Variants in CNTNAP2 observed in about 807,000 individuals in gnomAD.
CNTNAP2 encodes contactin-associated protein-like 2.
In CNTNAP2, 98 loss-of-function variants were observed where a neutral mutation model predicts 155.2. The ratio of observed to expected loss-of-function variants is 0.63; its 90% CI spans 0.54 to 0.75. The LOEUF (loss-of-function observed/expected upper bound fraction) is 0.75. Ranked by LOEUF, CNTNAP2 falls within the 30% of genes least tolerant of loss-of-function variation. CNTNAP2 has a pLI of 0.00. For missense variants in CNTNAP2, 1,727 were observed against 1,688.1 expected (o/e 1.02, Z -0.40); for synonymous variants, 651 against 631.2 (o/e 1.03, Z -0.47).
At chr7:146,159,376 A>G (rs1245546283) in intron 1 of CNTNAP2, among the ~76,000 whole-genome samples, 1 of 152,236 alleles carries the variant, frequency 6.6e-6, no homozygotes, top group Non-Finnish European at 1.5e-5. Flanking sequence ...ACAGAATCAA[A>G]TTCACACATA....
intron 3 of CNTNAP2, among the ~76,000 whole-genome samples, chr7:146,879,798 C>T (rs951966634): frequency 6.6e-6 from 1 of 152,010 alleles, no homozygotes; most frequent in Non-Finnish European, 1.5e-5. Flanking sequence ...TTGTATTAGT[C>T]TGTTTTCACA....
intron 1 of CNTNAP2, among the ~76,000 whole-genome samples, chr7:146,306,898 G>A (rs1017230524): frequency 6.6e-6 from 1 of 152,128 alleles, no homozygotes; most frequent in Non-Finnish European, 1.5e-5. Flanking sequence ...AAAACTGGAA[G>A]CATTCCCTTT....
chr7:146,187,877 G>GT (rs1490404951), intron 1 of CNTNAP2, among the ~76,000 whole-genome samples: 1 of 152,086 alleles, frequency 6.6e-6, no homozygotes, highest in Non-Finnish European at 1.5e-5. Flanking sequence ...ATGTGAGGTA[G>GT]TTTTTCCACA....
intron 1 of CNTNAP2, among the ~76,000 whole-genome samples, chr7:146,138,044 C>T (rs2116750948): frequency 6.6e-6 from 1 of 151,982 alleles, no homozygotes; most frequent in South Asian, 2.1e-4. Context: ...AAACTACATT[C>T]CTTGCACATC....
chr7:148,299,373 G>A (rs1797341944), intron 21 of CNTNAP2, among the ~76,000 whole-genome samples: 1 of 152,246 alleles, frequency 6.6e-6, no homozygotes, highest in Admixed American at 6.5e-5. Flanking sequence ...GGGAAAAGGT[G>A]TGTTGCATCA....
intron 9 of CNTNAP2, among the ~76,000 whole-genome samples, chr7:147,337,207 G>A (rs1795678762): frequency 6.6e-6 from 1 of 152,094 alleles, no homozygotes; most frequent in Non-Finnish European, 1.5e-5. Context: ...GGGAAGGTTA[G>A]GATGTATGGT....
At position 146,679,284 on chromosome 7, in the gene CNTNAP2, A is replaced by T. The variant is rs190700633; in HGVS notation, c.98-94987A>T. Among the ~76,000 whole-genome samples, 733 of 148,160 alleles carry T rather than the reference A, an allele frequency of 4.9e-3. 4 individuals carry two copies. The highest frequency in any genetic ancestry group is 9.4e-3 in the Non-Finnish European group (631 of 67,240). ...GTGTTTGGTTTTCTGTTCTTGTATT[A>T]GTTTGCTAAGGATTATGGCCTCTAG... On this transcript the variant is annotated intron_variant, in intron 1 of 23. Coordinates refer to ENST00000361727, the MANE Select transcript of CNTNAP2 (RefSeq NM_014141.6).
At chr7:148,226,268 G>A (rs1795846400) in intron 19 of CNTNAP2, among the ~76,000 whole-genome samples, 1 of 152,030 alleles carries the variant, frequency 6.6e-6, no homozygotes, top group Non-Finnish European at 1.5e-5. Context: ...TATGAATGTG[G>A]TGTCTGATGG....
At position 147,878,267 on chromosome 7, in the gene CNTNAP2, A is replaced by AATG. The variant is rs10628344; in HGVS notation, c.2099-25283_2099-25281dup. ...CTGAACACCTAGTAATTGTTCAGTA[A>AATG]ATGATGATGATGATGATAGTGATGA... On this transcript the variant is annotated intron_variant, in intron 13 of 23. Coordinates refer to ENST00000361727, the MANE Select transcript of CNTNAP2 (RefSeq NM_014141.6). Among the ~76,000 whole-genome samples the AATG allele has an allele frequency of 7.3e-3, 1,108 of 151,922 alleles. 16 individuals carry two copies. The highest frequency in any genetic ancestry group is 0.025 in the African/African-American group (1,051 of 41,426).
intron 4 of CNTNAP2, among the ~76,000 whole-genome samples, chr7:147,075,068 T>C (rs1799969517): frequency 1.3e-5 from 2 of 152,306 alleles, no homozygotes; most frequent in South Asian, 4.1e-4. Context: ...TCTCTGATTG[T>C]TGAATATAGG....
chr7:146,819,369 A>G (rs1316862184), intron 2 of CNTNAP2, among the ~76,000 whole-genome samples: 1 of 152,056 alleles, frequency 6.6e-6, no homozygotes, highest in African/African-American at 2.4e-5. Flanking sequence ...GTGTGTTGCC[A>G]CATTATCTCA....
intron 1 of CNTNAP2, among the ~76,000 whole-genome samples, chr7:146,213,475 A>T (rs764161118): frequency 1.4e-4 from 21 of 152,234 alleles, no homozygotes; most frequent in Non-Finnish European, 2.2e-4. Flanking sequence ...CTGAAAATCA[A>T]TCAAATGTCA....
chr7:148,260,153 C>T (rs942103965), intron 20 of CNTNAP2, among the ~76,000 whole-genome samples: 7 of 152,148 alleles, frequency 4.6e-5, no homozygotes, highest in African/African-American at 1.7e-4. Flanking sequence ...TTAGGCTTTT[C>T]ATGTTAAGCT....
intron 8 of CNTNAP2, among the ~76,000 whole-genome samples, chr7:147,290,595 A>G (rs1805282943): frequency 6.8e-6 from 1 of 147,118 alleles, no homozygotes; most frequent in Non-Finnish European, 1.5e-5. Flanking sequence ...AGGCAGGAGA[A>G]TTGCTTGAAC....
Position 148,330,597 on chromosome 7 carries a change from T to C in CNTNAP2, c.3476-53052T>C, listed in dbSNP as rs200768232. Among the ~76,000 whole-genome samples the C allele has an allele frequency of 1.5e-4, 19 of 128,826 alleles. No homozygotes were observed. In the East Asian group the frequency reaches 2.3e-3, roughly 16 times the overall value. 84.5% of individuals were successfully genotyped at this position (128,826 alleles called of 152,430 possible). On this transcript the variant is annotated intron_variant, in intron 21 of 23. Transcript: ENST00000361727. ...GGAGTGGATGGATGGAGTGGACGGA[T>C]GAAGTGGACGGATGGAATGGACACA...
chr7:147,378,826 A>G (rs564258198), intron 9 of CNTNAP2, among the ~76,000 whole-genome samples: 1 of 152,182 alleles, frequency 6.6e-6, no homozygotes, highest in African/African-American at 2.4e-5. Context: ...GTATCCATTT[A>G]TTTCCTTATC....
intron 1 of CNTNAP2, among the ~76,000 whole-genome samples, chr7:146,676,502 T>C (rs568617083): frequency 1.6e-3 from 238 of 152,122 alleles, no homozygotes; most frequent in Non-Finnish European, 2.7e-3. Context: ...TATGTGCGGG[T>C]TTGTAAACAT....
At chr7:147,458,242 G>A (rs918566602) in intron 10 of CNTNAP2, among the ~76,000 whole-genome samples, 2 of 152,060 alleles carry the variant, frequency 1.3e-5, no homozygotes, top group East Asian at 3.9e-4. Flanking sequence ...CCTGTTTAGT[G>A]TTGAACAGTA....
intron 1 of CNTNAP2, among the ~76,000 whole-genome samples, chr7:146,407,911 T>G (rs1382853146): frequency 1.3e-5 from 2 of 152,202 alleles, no homozygotes; most frequent in Admixed American, 1.3e-4. Context: ...AAATATTTTT[T>G]TCTTATTTTC....
Sources: allele counts gnomAD v4.1 joint callset (sites outside exome capture counted in the v4.1 genomes callset), GRCh38; gene constraint gnomAD v4.1.1; transcripts MANE v1.5; gene names NCBI Gene and HGNC (gene_info 2026-07-23, HGNC 2026-07-21).